The following PAM variants were observed in gnomAD, a reference collection of about 807,000 sequenced individuals.
The protein encoded by PAM is peptidyl-glycine alpha-amidating monooxygenase.
A neutral mutation model predicts 122.1 loss-of-function variants in PAM; 72 were observed. That is an observed-to-expected ratio of 0.59 (90% CI 0.49 to 0.72). The LOEUF (loss-of-function observed/expected upper bound fraction) is 0.72, where lower values mean the gene tolerates loss of function less well. PAM is among the 30% of genes least tolerant of loss of function. The pLI is 0.00. For synonymous variants in PAM, 389 were observed against 404.4 expected, an observed-to-expected ratio of 0.96 and a Z score of 0.46; for missense variants, 1,106 against 1,183.7, an observed-to-expected ratio of 0.93 and a Z score of 0.96.
At chr5:102,794,428 C>T (rs1017281020) in intron 1 of PAM, among the ~76,000 whole-genome samples, 5 of 152,062 alleles carry the variant, frequency 3.3e-5, no homozygotes, top group African/African-American at 1.2e-4. Flanking sequence ...TAGGAAGTGA[C>T]TAGATGAGGA....
intron 3 of PAM, among the ~76,000 whole-genome samples, chr5:102,867,870 A>G (rs1786096492): frequency 6.6e-6 from 1 of 152,240 alleles, no homozygotes; most frequent in Admixed American, 6.5e-5. Context: ...AAGTTAAGAA[A>G]ACTGTTCATA....
chr5:102,898,118 T>C (rs1466097305), intron 3 of PAM, among the ~76,000 whole-genome samples: 1 of 151,602 alleles, frequency 6.6e-6, no homozygotes, highest in Admixed American at 6.6e-5. Flanking sequence ...AAAAATGTAC[T>C]TTTCTTGGAT....
At chr5:102,896,416 C>T (rs1428649594) in intron 3 of PAM, among the ~76,000 whole-genome samples, 2 of 151,700 alleles carry the variant, frequency 1.3e-5, no homozygotes, top group Non-Finnish European at 3.0e-5. Flanking sequence ...ATCTATGATA[C>T]AGCCTTTCTT....
chr5:102,858,827 A>G (rs1020970869), intron 1 of PAM, among the ~76,000 whole-genome samples: 1 of 152,192 alleles, frequency 6.6e-6, no homozygotes, highest in Non-Finnish European at 1.5e-5. Context: ...ATTACTTCAG[A>G]CTTTTAAATA....
chr5:102,932,856 C>T (rs1334669371), intron 7 of PAM, among the ~76,000 whole-genome samples: 1 of 151,990 alleles, frequency 6.6e-6, no homozygotes, highest in African/African-American at 2.4e-5. Context: ...GATTTCTTTC[C>T]AGTTTTTAGG....
At position 103,028,987 on chromosome 5, in the gene PAM, A is replaced by T; in HGVS notation, c.2844A>T (p.Gln948His). 6.2e-7 allele frequency: 1 copy of T among 1,613,930 alleles called. No individual in the cohort carries two copies. Among genetic ancestry groups the T allele is most frequent in the South Asian group, 1.1e-5 (1 of 91,076 alleles). The change falls in exon 26 of 26, where the codon CAA (glutamine) becomes CAT (histidine). Residue 948 changes from glutamine to histidine, a missense_variant. By Grantham distance (24) the Gln-to-His change is conservative. Coordinates refer to ENST00000438793, the MANE Select transcript of PAM (RefSeq NM_001177306.2). ...FDRLSTEGSD[Q>H]EKEDDGSESE... Reference sequence around the variant, plus strand: ...GGCTTAGCACTGAGGGCAGTGACCAAGAGAAAGAGGATGATGGAAGTGAAT... The same window carrying T: ...GGCTTAGCACTGAGGGCAGTGACCATGAGAAAGAGGATGATGGAAGTGAAT...
intron 14 of PAM, among the ~76,000 whole-genome samples, chr5:102,971,578 G>A (rs377290337): frequency 4.6e-5 from 7 of 152,240 alleles, no homozygotes; most frequent in Middle Eastern, 3.4e-3. Context: ...GTTTATTAGT[G>A]GGGAGGGAGT....
intron 7 of PAM, among the ~76,000 whole-genome samples, chr5:102,937,088 G>A (rs957886025): frequency 5.0e-4 from 76 of 152,156 alleles, no homozygotes; most frequent in African/African-American, 1.5e-3. Context: ...TTAGAAATTC[G>A]AAGAAGAATT....
intron 5 of PAM, among the ~76,000 whole-genome samples, chr5:102,915,776 A>T (rs1292068768): frequency 6.6e-6 from 1 of 152,154 alleles, no homozygotes; most frequent in Non-Finnish European, 1.5e-5. Context: ...CTTAAATGCT[A>T]TTCCAGTTCT....
intron 11 of PAM, among the ~76,000 whole-genome samples, chr5:102,950,328 T>C (rs1200052444): frequency 1.3e-5 from 2 of 152,030 alleles, no homozygotes; most frequent in East Asian, 1.9e-4. Context: ...TGTCATAAAG[T>C]AGAAGTTATT....
chr5:102,941,621 G>A (rs1460031102), intron 7 of PAM, among the ~76,000 whole-genome samples: 1 of 152,010 alleles, frequency 6.6e-6, no homozygotes, highest in African/African-American at 2.4e-5. Flanking sequence ...CGATGTATCT[G>A]TAACTGGAGA....
At chr5:102,800,603 G>A (rs1414754522) in intron 1 of PAM, among the ~76,000 whole-genome samples, 1 of 152,164 alleles carries the variant, frequency 6.6e-6, no homozygotes, top group Admixed American at 6.5e-5. Flanking sequence ...TAGGTCCCAT[G>A]CTGTGCTCTA....
chr5:102,799,657 A>G (rs1373295466), intron 1 of PAM, among the ~76,000 whole-genome samples: 1 of 152,184 alleles, frequency 6.6e-6, no homozygotes, highest in Non-Finnish European at 1.5e-5. Flanking sequence ...AGCCTTAGAA[A>G]TCTTTATCAT....
chr5:102,770,838 T>A (rs1222446284), intron 1 of PAM, among the ~76,000 whole-genome samples: 1 of 152,086 alleles, frequency 6.6e-6, no homozygotes, highest in African/African-American at 2.4e-5. Flanking sequence ...GTTTGTGGTA[T>A]CAGGGTAATA....
At chr5:102,882,991 A>T (rs1302443062) in intron 3 of PAM, among the ~76,000 whole-genome samples, 2 of 150,528 alleles carry the variant, frequency 1.3e-5, no homozygotes, top group South Asian at 2.1e-4. Context: ...TCCCCACTTT[A>T]TGTTTTTTTT....
intron 1 of PAM, among the ~76,000 whole-genome samples, chr5:102,862,169 CAAA>C (rs57758540): frequency 3.4e-4 from 24 of 70,288 alleles, no homozygotes; most frequent in East Asian, 3.0e-3. Flanking sequence ...GACCCTGTCT[CAAA>C]AAAAAAAAAA....
Position 102,924,992 on chromosome 5 carries a change from A to G in PAM, c.392A>G (p.Asn131Ser), listed in dbSNP as rs1446867984. ...CDEGTCTDKANILYAWARNAP... is the reference protein window; with the variant it reads ...CDEGTCTDKASILYAWARNAP... ...GAAGGAACCTGTACAGATAAAGCCA[A>G]TATTCTGTATGCCTGGGCGAGAAAT... The change falls in exon 6 of 26, where the codon AAT (asparagine) becomes AGT (serine). Residue 131 changes from asparagine (N) to serine (S), a missense_variant. Coordinates refer to ENST00000438793, the MANE Select transcript of PAM (RefSeq NM_001177306.2). 1.3e-6 allele frequency: 2 copies of G among 1,590,358 alleles called. No homozygotes were observed. The highest frequency in any genetic ancestry group is 2.2e-5 in the East Asian group (1 of 44,756).
At chr5:103,003,621 T>C (rs187882180) in intron 17 of PAM, among the ~76,000 whole-genome samples, 83 of 152,292 alleles carry the variant, frequency 5.5e-4, no homozygotes, top group African/African-American at 2.0e-3. Context: ...TTAGATTCTG[T>C]ATAGAGTGGG....
rs575310385 is a variant in PAM, at chr5:102,871,566, T to C, written c.210+4173T>C. Among the ~76,000 whole-genome samples, 8 of 151,598 alleles carry C rather than the reference T, an allele frequency of 5.3e-5. 1 individual carries two copies. In the South Asian group the frequency reaches 1.7e-3, roughly 32 times the overall value. ...GTTGTTTTCATTAAAAATGGACCTATCATAAGAGAATAAAAGGAACACTGA... is the reference window on the plus strand; with the variant it reads ...GTTGTTTTCATTAAAAATGGACCTACCATAAGAGAATAAAAGGAACACTGA... On this transcript the variant is annotated intron_variant, in intron 3 of 25. Transcript: ENST00000438793.
Sources: allele counts gnomAD v4.1 joint callset (sites outside exome capture counted in the v4.1 genomes callset), GRCh38; gene constraint gnomAD v4.1.1; transcripts MANE v1.5; gene names NCBI Gene and HGNC (gene_info 2026-07-23, HGNC 2026-07-21).